PFKP: variants seen among roughly 807,000 people sequenced by gnomAD.
The protein encoded by PFKP is phosphofructokinase, platelet, also known as ATP-dependent 6-phosphofructokinase, platelet type.
A neutral mutation model predicts 94.3 loss-of-function variants in PFKP; 101 were observed. That is an observed-to-expected ratio of 1.07 (90% CI 0.91 to 1.26). The LOEUF is 1.26. Among genes scored for constraint, PFKP ranks in the 50% most tolerant of loss-of-function variants. The pLI, the probability that PFKP is intolerant of heterozygous loss-of-function variation, is 0.00. For missense variants in PFKP, 1,145 were observed against 1,103.3 expected (o/e 1.04, Z -0.53); for synonymous variants, 573 against 432.6 (o/e 1.32, Z -4.03).
rs542061357 is a variant in PFKP, at chr10:3,118,794, G to T, written c.1455G>T (p.Gly485=). 4 of 1,613,290 alleles carry T rather than the reference G, an allele frequency of 2.5e-6. No homozygotes were observed. The highest frequency in any genetic ancestry group is 3.4e-6 in the Non-Finnish European group (4 of 1,179,522). ...TGGCTATTTTCAGCGTTCTCCCGGG[G>T]AAGTACTTGGAAGAGATCGCCACAC... ...SILGTKRVLP[G]KYLEEIATQM... Residue 485 remains glycine, a synonymous_variant, in exon 15 of 22, where the codon GGG becomes GGT. Transcript: ENST00000381125.
chr10:3,125,373 T>A, intron 16 of PFKP: 1 of 718,434 alleles, frequency 1.4e-6, no homozygotes, highest in South Asian at 2.1e-5. Flanking sequence ...CTTGGCTTTA[T>A]GTCACACTGG....
chr10:3,077,274 T>TTTTTTTTTTTTTTTTTTTTTTTTTTC (rs1832685131), intron 1 of PFKP, among the ~76,000 whole-genome samples: 1 of 137,288 alleles, frequency 7.3e-6, no homozygotes. Flanking sequence ...TTTTTTTTTT[T>TTTTTTTTTTTTTTTTTTTTTTTTTTC]TTTTTTGAGA....
intron 1 of PFKP, chr10:3,069,393 C>G (rs748542769): frequency 4.5e-5 from 72 of 1,584,728 alleles, no homozygotes; most frequent in Admixed American, 1.2e-4. Context: ...TGTGCGGGTA[C>G]GAATGGAGCC....
Position 3,125,288 on chromosome 10 carries a change from T to C in PFKP, c.1684-4531T>C, listed in dbSNP as rs115914355. Reference sequence around the variant, plus strand: ...GTTTCCTCTCATTGCTTTTCCGTCATTTATTTTAGCAACTTGTTTCTTCTG... The same window carrying C: ...GTTTCCTCTCATTGCTTTTCCGTCACTTATTTTAGCAACTTGTTTCTTCTG... On this transcript the variant is annotated intron_variant, in intron 16 of 21. Transcript: ENST00000381125. 1.0e-3 allele frequency: 1,234 copies of C among 1,233,906 alleles called. 16 individuals are homozygous for C. In the African/African-American group the frequency reaches 0.018, roughly 18 times the overall value. 76.4% of individuals were successfully genotyped at this position (1,233,906 alleles called of 1,614,324 possible). A position where few individuals can be genotyped will look rare whatever the true frequency, so the allele number is the denominator to read the frequency against.
intron 21 of PFKP, among the ~76,000 whole-genome samples, 189 bp downstream of exon 21, chr10:3,136,027 A>T (rs1400134945): frequency 6.6e-5 from 10 of 152,114 alleles, no homozygotes; most frequent in Admixed American, 6.5e-4. Context: ...GCACTGTGGG[A>T]GGCCGAGACA....
rs571659394 is a variant in PFKP, at chr10:3,095,067, T to C, written c.187-4208T>C. Reference sequence around the variant, plus strand: ...CATTTGGAGTTAGTTGAGTGAAGAATTCAGGAAATCAGATTGGAAAAAAGC... The same window carrying C: ...CATTTGGAGTTAGTTGAGTGAAGAACTCAGGAAATCAGATTGGAAAAAAGC... On this transcript the variant is annotated intron_variant, in intron 2 of 21. Coordinates refer to ENST00000381125, the MANE Select transcript of PFKP (RefSeq NM_002627.5). Among the ~76,000 whole-genome samples the C allele has an allele frequency of 2.0e-5, 3 of 152,186 alleles. No homozygotes were observed. The South Asian group carries it at 6.2e-4, about 32-fold the overall frequency.
At chr10:3,100,288 C>T (rs895657845) in intron 3 of PFKP, among the ~76,000 whole-genome samples, 3 of 151,958 alleles carry the variant, frequency 2.0e-5, no homozygotes, top group South Asian at 4.2e-4. Flanking sequence ...CCCTGCTCTG[C>T]GCCCCCACCC....
At chr10:3,118,174 C>A (rs1300285755) in intron 14 of PFKP, among the ~76,000 whole-genome samples, 2 of 152,114 alleles carry the variant, frequency 1.3e-5, no homozygotes, top group African/African-American at 4.8e-5. Context: ...CTGGAAATTT[C>A]CATTTAAACA....
chr10:3,110,365 A>ATTTTTT (rs57980780), intron 10 of PFKP, among the ~76,000 whole-genome samples: 9 of 92,580 alleles, frequency 9.7e-5, no homozygotes, highest in African/African-American at 1.6e-4. Context: ...CGCCTGGCTA[A>ATTTTTT]TTTTTTTTTT....
Position 3,113,361 on chromosome 10 carries a change from C to T in PFKP, c.1225-11C>T, listed in dbSNP as rs1189446849. The T allele has an allele frequency of 6.3e-7, 1 of 1,578,578 alleles. No homozygotes were observed. The highest frequency in any genetic ancestry group is 1.7e-5 in the Admixed American group (1 of 57,648). ...CCGTGACCCAGCACTCACCTGCCTTCTGTTTTGCAGACCAATTGCAACGTA... is the reference window on the plus strand; with the variant it reads ...CCGTGACCCAGCACTCACCTGCCTTTTGTTTTGCAGACCAATTGCAACGTA... On this transcript the variant is annotated splice_polypyrimidine_tract_variant and intron_variant, in intron 12 of 21. Coordinates refer to ENST00000381125, the MANE Select transcript of PFKP (RefSeq NM_002627.5).
chr10:3,093,861 T>C (rs369046176), intron 2 of PFKP, among the ~76,000 whole-genome samples: 61 of 152,232 alleles, frequency 4.0e-4, no homozygotes, highest in Middle Eastern at 3.4e-3. Flanking sequence ...GCCAGGATGG[T>C]CTCCATCTCC....
chr10:3,108,355 T>C (rs1480212679), intron 8 of PFKP, among the ~76,000 whole-genome samples: 2 of 152,254 alleles, frequency 1.3e-5, no homozygotes, highest in Non-Finnish European at 2.9e-5. Context: ...TCAAGGAAGA[T>C]GTTTACATTT....
chr10:3,073,827 T>TG (rs1564257955), intron 1 of PFKP, among the ~76,000 whole-genome samples: 73 of 151,008 alleles, frequency 4.8e-4, no homozygotes, highest in Admixed American at 3.0e-3. Context: ...GTGTGTGTGT[T>TG]TTTTTTGTTT....
chr10:3,124,091 C>T (rs185084095), intron 16 of PFKP, among the ~76,000 whole-genome samples: 4 of 151,994 alleles, frequency 2.6e-5, no homozygotes, highest in African/African-American at 4.8e-5. Flanking sequence ...CCCACACGGG[C>T]TCCAGGCCTT....
At chr10:3,133,169 G>A (rs371784632) in intron 18 of PFKP, 34 bp from the exon 19 acceptor site, 53 of 1,548,056 alleles carry the variant, frequency 3.4e-5, no homozygotes, top group African/African-American at 2.7e-4. Context: ...CCCACTGCAC[G>A]CTAAACAAAG....
chr10:3,080,536 AAAAAGAG>A, intron 1 of PFKP, among the ~76,000 whole-genome samples: 1 of 149,980 alleles, frequency 6.7e-6, no homozygotes, highest in Admixed American at 6.6e-5. Flanking sequence ...AAAAAAAAAA[AAAAAGAG>A]AATATTGAAA....
At chr10:3,119,786 TGCTC>T in intron 15 of PFKP, 102 bp from the exon 16 acceptor site, 1 of 895,610 alleles carries the variant, frequency 1.1e-6, no homozygotes, top group Non-Finnish European at 1.8e-6. Context: ...TGCCCCAGTG[TGCTC>T]CCTGCGTGCT....
intron 1 of PFKP, among the ~76,000 whole-genome samples, chr10:3,081,318 T>C (rs1407390034): frequency 6.6e-6 from 1 of 152,246 alleles, no homozygotes; most frequent in Non-Finnish European, 1.5e-5. Flanking sequence ...ATAGCCTGCC[T>C]CTGTCACAGA....
chr10:3,080,824 T>C (rs1175389759), intron 1 of PFKP, among the ~76,000 whole-genome samples: 1 of 151,632 alleles, frequency 6.6e-6, no homozygotes, highest in African/African-American at 2.4e-5. Context: ...GAGTCGGGGG[T>C]AATGTTGGGA....
Sources: gnomAD v4.1 joint callset for allele counts (sites outside exome capture counted in the v4.1 genomes callset) on GRCh38, gnomAD v4.1.1 for gene constraint, MANE v1.5 for transcripts, NCBI Gene and HGNC (gene_info 2026-07-23, HGNC 2026-07-21) for gene names.